The following SH2D4B variants were observed in gnomAD, a reference collection of about 807,000 sequenced individuals.
SH2D4B encodes the protein SH2 domain-containing protein 4B.
SH2D4B carries 45 observed loss-of-function variants against 61.5 expected under a neutral mutation model. The observed-to-expected ratio is 0.73, with a 90% confidence interval of 0.58 to 0.94. The LOEUF is 0.94. Ranked by LOEUF, SH2D4B falls within the 40% of genes least tolerant of loss-of-function variation. SH2D4B has a pLI of 0.00. For synonymous variants in SH2D4B, 224 were observed against 220.4 expected, an observed-to-expected ratio of 1.02 and a Z score of -0.14; for missense variants, 572 against 574.2, an observed-to-expected ratio of 1.00 and a Z score of 0.04.
rs373543948 is a variant in SH2D4B, at chr10:80,538,312, C to T, written c.-20C>T. The T allele has an allele frequency of 7.7e-5, 100 of 1,304,516 alleles. No homozygotes were observed. The highest frequency in any genetic ancestry group is 9.4e-5 in the Non-Finnish European group (96 of 1,017,940). The allele number at this position is 1,304,516 out of a possible 1,614,324, so 80.8% of individuals were successfully genotyped here. A position where few individuals can be genotyped will look rare whatever the true frequency, so the allele number is the denominator to read the frequency against. ...TCCCCTGCTGGCTGCCCTTCTGGTGCGTGCATCCCAGGTGGCATCATGCTG... is the reference window on the plus strand; with the variant it reads ...TCCCCTGCTGGCTGCCCTTCTGGTGTGTGCATCCCAGGTGGCATCATGCTG... On this transcript the variant is annotated 5_prime_UTR_variant, in exon 1 of 8. Coordinates refer to ENST00000646907, the MANE Select transcript of SH2D4B (RefSeq NM_001388272.1). This position sits in a 1 kb window ranked among gnomAD's most constrained non-coding sequence, Gnocchi z 4.8.
intron 6 of SH2D4B, among the ~76,000 whole-genome samples, chr10:80,628,812 G>A (rs1426173622): frequency 6.6e-6 from 1 of 152,056 alleles, no homozygotes; most frequent in African/African-American, 2.4e-5. Flanking sequence ...TGGATCATGA[G>A]GTCAGGAGTT....
rs753656530 is a variant in SH2D4B at position 80,603,585 on chromosome 10, G to A, written c.650G>A (p.Arg217Gln). 8.9e-5 allele frequency: 138 copies of A among 1,552,900 alleles called. No individual in the cohort carries two copies. Among genetic ancestry groups the A allele is most frequent in the South Asian group, 4.6e-4 (39 of 84,362 alleles). ...GCTGTCTTCCTCTTTCCAGTGCGCC[G>A]GTCCAAGGCGGCTGATGAGGAGAGG... Reference protein sequence around the residue: ...EEREWEEQLRRSKAADEERSR... With the variant: ...EEREWEEQLRQSKAADEERSR... Residue 217 changes from arginine to glutamine, a missense_variant, in exon 5 of 8, where the codon CGG becomes CAG. By Grantham distance (43) the Arg-to-Gln change is conservative (BLOSUM62 1). Transcript: ENST00000646907.
At chr10:80,548,912 TTTAC>T (rs1185668769) in intron 1 of SH2D4B, among the ~76,000 whole-genome samples, 3 of 151,864 alleles carry the variant, frequency 2.0e-5, no homozygotes, top group Non-Finnish European at 4.4e-5. Flanking sequence ...AGTTTACACA[TTTAC>T]TTTTACTTTT....
Position 80,590,278 on chromosome 10 carries a change from T to C in SH2D4B, c.643+1501T>C, listed in dbSNP as rs541282392. Among the ~76,000 whole-genome samples the C allele has an allele frequency of 3.9e-5, 6 of 152,152 alleles. No individual in the cohort carries two copies. The South Asian group carries it at 6.2e-4, about 16-fold the overall frequency. ...TTTGCATCATCTGGCAGTGGGGTGA[T>C]TAAGGCAGGGAGACAGTGGCTCAGA... On this transcript the variant is annotated intron_variant, in intron 4 of 7. Transcript: ENST00000646907.
chr10:80,552,725 A>C (rs369360736), intron 1 of SH2D4B, among the ~76,000 whole-genome samples: 1 of 152,228 alleles, frequency 6.6e-6, no homozygotes, highest in African/African-American at 2.4e-5. Context: ...TCACCTAAGA[A>C]TCAGCAAAGC....
intron 3 of SH2D4B, among the ~76,000 whole-genome samples, chr10:80,573,016 T>A (rs1842081178): frequency 4.9e-5 from 5 of 102,352 alleles, no homozygotes; most frequent in Non-Finnish European, 7.7e-5. Flanking sequence ...TTTTTTTTTT[T>A]GAGACGGAGT....
chr10:80,569,782 A>T (rs542916328), intron 1 of SH2D4B, among the ~76,000 whole-genome samples: 2 of 152,264 alleles, frequency 1.3e-5, no homozygotes, highest in South Asian at 4.1e-4. Context: ...AGCTCGGCCT[A>T]TGTGCGGAGG....
chr10:80,622,901 G>C (rs1445437584), intron 6 of SH2D4B, among the ~76,000 whole-genome samples: 2 of 152,126 alleles, frequency 1.3e-5, no homozygotes, highest in Non-Finnish European at 2.9e-5. Context: ...CCTGAGACTG[G>C]ATAATTTTGT....
intron 6 of SH2D4B, among the ~76,000 whole-genome samples, chr10:80,616,840 C>G (rs1164013942): frequency 6.6e-6 from 1 of 152,236 alleles, no homozygotes; most frequent in East Asian, 1.9e-4. Flanking sequence ...ACTTCCCAAA[C>G]AACTCTCTGG....
intron 1 of SH2D4B, among the ~76,000 whole-genome samples, chr10:80,567,365 G>A (rs1213472227): frequency 6.6e-6 from 1 of 152,140 alleles, no homozygotes. Flanking sequence ...GTCCTAAATT[G>A]TCATTCTGGC....
At chr10:80,584,098 G>T (rs1229732535) in intron 3 of SH2D4B, among the ~76,000 whole-genome samples, 1 of 152,210 alleles carries the variant, frequency 6.6e-6, no homozygotes, top group Non-Finnish European at 1.5e-5. Context: ...AGCTAAATTG[G>T]CAGTTACATG....
chr10:80,621,314 G>A (rs568186772), intron 6 of SH2D4B, among the ~76,000 whole-genome samples: 13 of 152,334 alleles, frequency 8.5e-5, no homozygotes, highest in African/African-American at 2.9e-4. Flanking sequence ...GAGAAACTAC[G>A]TCTATATTTT....
intron 6 of SH2D4B, among the ~76,000 whole-genome samples, chr10:80,616,548 A>G (rs528320478): frequency 9.2e-5 from 14 of 152,262 alleles, no homozygotes; most frequent in South Asian, 4.2e-4. Flanking sequence ...TCTATCAGCT[A>G]TCTGTAGTTC....
At chr10:80,578,922 T>C (rs1842156453) in intron 3 of SH2D4B, among the ~76,000 whole-genome samples, 1 of 152,036 alleles carries the variant, frequency 6.6e-6, no homozygotes, top group South Asian at 2.1e-4. Flanking sequence ...ATCAATTAGA[T>C]GTTGGGATGA....
chr10:80,596,634 T>C (rs1842388245), intron 4 of SH2D4B, among the ~76,000 whole-genome samples: 2 of 152,230 alleles, frequency 1.3e-5, no homozygotes, highest in Admixed American at 6.5e-5. Flanking sequence ...GGTTCCGTCC[T>C]GTGGAGTTAC....
At chr10:80,563,574 A>G (rs1564769203) in intron 1 of SH2D4B, among the ~76,000 whole-genome samples, 1 of 152,218 alleles carries the variant, frequency 6.6e-6, no homozygotes, top group African/African-American at 2.4e-5. Context: ...GTTTTAGAAT[A>G]CATCATTATT....
intron 3 of SH2D4B, among the ~76,000 whole-genome samples, chr10:80,582,548 C>T (rs1842194670): frequency 6.6e-6 from 1 of 152,108 alleles, no homozygotes; most frequent in South Asian, 2.1e-4. Context: ...TCCTGGAGTT[C>T]CTTGGGATAT....
At chr10:80,632,965 C>G (rs1050979207) in intron 6 of SH2D4B, among the ~76,000 whole-genome samples, 1 of 151,666 alleles carries the variant, frequency 6.6e-6, no homozygotes, top group African/African-American at 2.4e-5. Context: ...AAATCCTGGG[C>G]AAGGAGGAAA....
intron 4 of SH2D4B, among the ~76,000 whole-genome samples, chr10:80,591,868 T>G (rs1168292013): frequency 6.6e-6 from 1 of 152,168 alleles, no homozygotes; most frequent in Non-Finnish European, 1.5e-5. Context: ...CATTAACCCA[T>G]TAATACATTA....
Sources: gnomAD v4.1 joint callset for allele counts (sites outside exome capture counted in the v4.1 genomes callset) on GRCh38, gnomAD v4.1.1 for gene constraint, Gnocchi (gnomAD v3.1) non-coding constraint, MANE v1.5 for transcripts, NCBI Gene and HGNC (gene_info 2026-07-23, HGNC 2026-07-21) for gene names.